GSTCD: variants seen among roughly 807,000 people sequenced by gnomAD.
The protein encoded by GSTCD is glutathione S-transferase C-terminal domain containing.
In GSTCD, 44 loss-of-function variants were observed where a neutral mutation model predicts 68.3. The ratio of observed to expected loss-of-function variants is 0.64; its 90% CI spans 0.51 to 0.83. GSTCD has a LOEUF of 0.83. Among genes scored for constraint, GSTCD ranks in the 40% least tolerant of loss-of-function variants. GSTCD has a pLI of 0.00. For missense variants in GSTCD, 739 were observed against 735.9 expected (o/e 1.00, Z -0.05); for synonymous variants, 273 against 255.2 (o/e 1.07, Z -0.67).
chr4:105,740,915 C>T (rs1355414690), intron 5 of GSTCD, among the ~76,000 whole-genome samples: 2 of 151,758 alleles, frequency 1.3e-5, no homozygotes, highest in Non-Finnish European at 2.9e-5. Flanking sequence ...TTTTTACCCC[C>T]TCACATTCTT....
chr4:105,747,402 G>A (rs1249573763), intron 5 of GSTCD, among the ~76,000 whole-genome samples: 1 of 152,184 alleles, frequency 6.6e-6, no homozygotes, highest in African/African-American at 2.4e-5. Context: ...CTGGGGTAGA[G>A]CCCTAGAATT....
chr4:105,719,204 A>G lies in GSTCD; in HGVS notation c.571A>G (p.Asn191Asp). 1.2e-6 allele frequency: 2 copies of G among 1,614,074 alleles called. No homozygotes were observed. The highest frequency in any genetic ancestry group is 1.7e-6 in the Non-Finnish European group (2 of 1,179,980). The change falls in exon 3 of 12, where the codon AAT becomes GAT. Residue 191 changes from asparagine to aspartate, a missense_variant. Asn to Asp is a conservative substitution (Grantham distance 23). Coordinates refer to ENST00000515279, the MANE Select transcript of GSTCD (RefSeq NM_001370181.1). ...KKLSEPVRVH[N>D]DDKLRRQKLK... The stretch of plus-strand genomic sequence containing the variant: ...GCTTAGTGAGCCTGTTAGAGTGCAT[A>G]ATGATGATAAACTCCGCAGGCAGAA...
intron 5 of GSTCD, among the ~76,000 whole-genome samples, chr4:105,756,465 T>A (rs1578441391): frequency 6.6e-6 from 1 of 150,936 alleles, no homozygotes; most frequent in East Asian, 1.9e-4. Flanking sequence ...GAAATTTGTG[T>A]CAGGCACTGG....
At chr4:105,744,660 C>G (rs777193279) in intron 5 of GSTCD, among the ~76,000 whole-genome samples, 9 of 152,190 alleles carry the variant, frequency 5.9e-5, no homozygotes, top group Non-Finnish European at 1.2e-4. Context: ...ATGCCCCCAA[C>G]CATTCTATGG....
intron 5 of GSTCD, among the ~76,000 whole-genome samples, chr4:105,819,825 CT>C (rs1578506191): frequency 6.7e-6 from 1 of 149,876 alleles, no homozygotes; most frequent in African/African-American, 2.4e-5. Context: ...ATTTTTTTAC[CT>C]TTTCGGTGTG....
At chr4:105,781,536 G>A (rs1358174807) in intron 5 of GSTCD, among the ~76,000 whole-genome samples, 3 of 151,878 alleles carry the variant, frequency 2.0e-5, no homozygotes, top group South Asian at 2.1e-4. Flanking sequence ...AATTACAGGC[G>A]TGAGTCATCT....
In GSTCD at chr4:105,776,645, A is replaced by T. The variant is rs757343458; in HGVS notation, c.1241-46309A>T. Among the ~76,000 whole-genome samples, 70 of 152,056 alleles carry T rather than the reference A, an allele frequency of 4.6e-4. 1 individual carries two copies. Among genetic ancestry groups the T allele is most frequent in the Middle Eastern group, 3.2e-3 (1 of 316 alleles). ...GTGAGGCAATGCCCCACCCTGCTTCAACTCACCTCTGTGGGCTGTACCCAC... is the reference window on the plus strand; with the variant it reads ...GTGAGGCAATGCCCCACCCTGCTTCTACTCACCTCTGTGGGCTGTACCCAC... On this transcript the variant is annotated intron_variant, in intron 5 of 11. Transcript: ENST00000515279.
chr4:105,714,061 A>T (rs1333107906), intron 1 of GSTCD, among the ~76,000 whole-genome samples: 3 of 152,056 alleles, frequency 2.0e-5, no homozygotes, highest in African/African-American at 4.8e-5. Context: ...TAAATATTAA[A>T]CCTATGACTA....
At chr4:105,721,526 T>C (rs1187159814) in intron 3 of GSTCD, among the ~76,000 whole-genome samples, 4 of 152,156 alleles carry the variant, frequency 2.6e-5, no homozygotes, top group Non-Finnish European at 5.9e-5. Context: ...TCAATTTTGC[T>C]AAATCAAGGT....
chr4:105,727,102 T>TA (rs1355298695), intron 4 of GSTCD, among the ~76,000 whole-genome samples: 1 of 151,650 alleles, frequency 6.6e-6, no homozygotes, highest in Non-Finnish European at 1.5e-5. Context: ...TTTTTTTTTT[T>TA]TTGTATATTC....
chr4:105,834,692 C>G, intron 9 of GSTCD, 98 bp downstream of exon 9: 6 of 1,029,016 alleles, frequency 5.8e-6, no homozygotes, highest in Non-Finnish European at 8.4e-6. Context: ...ATTTTTGGCT[C>G]ATTTCTTCTT....
At chr4:105,720,130 G>A (rs1037010457) in intron 3 of GSTCD, among the ~76,000 whole-genome samples, 3 of 151,774 alleles carry the variant, frequency 2.0e-5, no homozygotes, top group African/African-American at 4.9e-5. Context: ...TAGATAGAAC[G>A]TTTTCTGAGT....
rs76940602 is a variant in GSTCD at position 105,793,283 on chromosome 4, G to A, written c.1241-29671G>A. Among the ~76,000 whole-genome samples, 668 of 151,988 alleles carry A rather than the reference G, an allele frequency of 4.4e-3. 4 individuals carry two copies. Among genetic ancestry groups the A allele is most frequent in the Middle Eastern group, 0.024 (7 of 294 alleles). ...CACCAGACTTCAGCAATTTTGTCAA[G>A]ACCTTTGTAAGGTTTTCTTGTATTC... On this transcript the variant is annotated intron_variant, in intron 5 of 11. Transcript: ENST00000515279.
intron 1 of GSTCD, among the ~76,000 whole-genome samples, chr4:105,712,854 G>C (rs1732577827): frequency 6.6e-6 from 1 of 152,152 alleles, no homozygotes. Flanking sequence ...AGGGGAGCAG[G>C]TTTAGAAAAA....
At chr4:105,823,341 G>T (rs1723409841) in intron 7 of GSTCD, 66 bp downstream of exon 7, 3 of 1,438,654 alleles carry the variant, frequency 2.1e-6, no homozygotes, top group Admixed American at 3.4e-5. Flanking sequence ...GCCAAATTTG[G>T]TTTATCCCGC....
At chr4:105,841,174 A>T (rs1314100941) in intron 10 of GSTCD, among the ~76,000 whole-genome samples, 2 of 151,830 alleles carry the variant, frequency 1.3e-5, no homozygotes, top group African/African-American at 4.8e-5. Context: ...TAAATACAAA[A>T]ATTAGCCAGC....
intron 5 of GSTCD, among the ~76,000 whole-genome samples, chr4:105,748,715 G>C (rs1036027794): frequency 6.6e-6 from 1 of 151,812 alleles, no homozygotes; most frequent in African/African-American, 2.4e-5. Context: ...AATTGAAATA[G>C]ATATATATTA....
At chr4:105,797,093 T>C (rs969804086) in intron 5 of GSTCD, among the ~76,000 whole-genome samples, 3 of 151,764 alleles carry the variant, frequency 2.0e-5, no homozygotes, top group East Asian at 3.9e-4. Flanking sequence ...TGTGTGTGTG[T>C]GCGTCTGGGT....
At chr4:105,762,797 T>C (rs1365153215) in intron 5 of GSTCD, among the ~76,000 whole-genome samples, 3 of 152,178 alleles carry the variant, frequency 2.0e-5, no homozygotes, top group Non-Finnish European at 4.4e-5. Context: ...ATAATATCTT[T>C]TGGGGGATGG....
Sources: allele counts gnomAD v4.1 joint callset (sites outside exome capture counted in the v4.1 genomes callset), GRCh38; gene constraint gnomAD v4.1.1; transcripts MANE v1.5; gene names NCBI Gene and HGNC (gene_info 2026-07-23, HGNC 2026-07-21).